Variants in SLC44A1 observed in about 807,000 individuals in gnomAD.
The protein encoded by SLC44A1 is choline transporter-like protein 1.
A neutral mutation model predicts 79.3 loss-of-function variants in SLC44A1; 26 were observed. The observed-to-expected ratio is 0.33, with a 90% CI of 0.24 to 0.46. The LOEUF is 0.46. SLC44A1 is among the 20% of genes least tolerant of loss of function. The pLI is 1.00. For missense variants in SLC44A1, 688 were observed against 798.1 expected (o/e 0.86, Z 1.66); for synonymous variants, 263 against 286.2 (o/e 0.92, Z 0.82).
chr9:105,315,534 G>T (rs1831299771), intron 3 of SLC44A1, among the ~76,000 whole-genome samples: 1 of 152,078 alleles, frequency 6.6e-6, no homozygotes, highest in Non-Finnish European at 1.5e-5. Flanking sequence ...ATTAACTTAT[G>T]CAGAGGATTA....
At chr9:105,285,873 A>T (rs183298495) in intron 1 of SLC44A1, among the ~76,000 whole-genome samples, 1 of 152,248 alleles carries the variant, frequency 6.6e-6, no homozygotes, top group Non-Finnish European at 1.5e-5. Flanking sequence ...AGGGGATATG[A>T]TGGCTTAGCT....
chr9:105,250,040 A>G (rs987241083), intron 1 of SLC44A1, among the ~76,000 whole-genome samples: 3 of 150,302 alleles, frequency 2.0e-5, no homozygotes, highest in Non-Finnish European at 4.4e-5. Context: ...CTATTTTTTT[A>G]ATGTTTTAAA....
At chr9:105,351,575 A>G (rs1213367670) in intron 5 of SLC44A1, among the ~76,000 whole-genome samples, 126 of 128,632 alleles carry the variant, frequency 9.8e-4, no homozygotes, top group Middle Eastern at 7.8e-3. Context: ...AGAGAAAGAG[A>G]GAAAGAGAGA....
At chr9:105,296,903 G>C (rs1830738154) in intron 1 of SLC44A1, among the ~76,000 whole-genome samples, 1 of 152,108 alleles carries the variant, frequency 6.6e-6, no homozygotes, top group Admixed American at 6.6e-5. Context: ...GAGTTGGAAG[G>C]AACCTAAGAG....
chr9:105,279,104 G>A (rs1446048542), intron 1 of SLC44A1, among the ~76,000 whole-genome samples: 1 of 150,248 alleles, frequency 6.7e-6, no homozygotes, highest in Non-Finnish European at 1.5e-5. Flanking sequence ...GGATTTTTCA[G>A]TTTAAAATAG....
chr9:105,401,833 C>T (rs1828962138), downstream of SLC44A1, among the ~76,000 whole-genome samples: 1 of 152,172 alleles, frequency 6.6e-6, no homozygotes, highest in Admixed American at 6.5e-5. Flanking sequence ...TCTGGGAGCT[C>T]AGTTCTAAAT....
At chr9:105,283,121 C>T (rs1830397385) in intron 1 of SLC44A1, among the ~76,000 whole-genome samples, 1 of 152,168 alleles carries the variant, frequency 6.6e-6, no homozygotes, top group Admixed American at 6.5e-5. Context: ...TTAAACTCAG[C>T]ACTCTCATGC....
chr9:105,376,350 CT>C (rs11309651), intron 13 of SLC44A1, among the ~76,000 whole-genome samples: 94 of 118,042 alleles, frequency 8.0e-4, no homozygotes, highest in Middle Eastern at 4.9e-3. Context: ...CACACACACA[CT>C]ACACACACAC....
At chr9:105,375,156 T>C (rs1283366986) in intron 13 of SLC44A1, among the ~76,000 whole-genome samples, 2 of 152,134 alleles carry the variant, frequency 1.3e-5, no homozygotes, top group Non-Finnish European at 2.9e-5. Flanking sequence ...ATTCTCCCGC[T>C]TCAGCCTCCC....
At chr9:105,299,382 G>A in intron 2 of SLC44A1, 73 bp downstream of exon 2, 1 of 988,438 alleles carries the variant, frequency 1.0e-6, no homozygotes, top group Non-Finnish European at 1.5e-6. Context: ...GTTTTAATGA[G>A]GGCAGTTGTG....
chr9:105,435,065 T>G (rs1775178071), intron 15 of SLC44A1, among the ~76,000 whole-genome samples: 1 of 152,048 alleles, frequency 6.6e-6, no homozygotes, highest in South Asian at 2.1e-4. Flanking sequence ...GAGGATCCAT[T>G]GAGCCTGGGA....
rs775098823 is a variant in SLC44A1, at chr9:105,335,683, G to A, written c.390G>A (p.Lys130=). 3.7e-6 allele frequency: 6 copies of A among 1,613,230 alleles called. No individual in the cohort carries two copies. The East Asian group carries it at 1.3e-4, about 36-fold the overall frequency. Residue 130 remains lysine (K), a synonymous_variant, in exon 4 of 16, where the codon AAG becomes AAA. Transcript: ENST00000374720. ...QELKTLSDVQ[K]FAEINGSALC... Reference sequence around the variant, plus strand: ...TGAAAACTCTGAGTGATGTTCAGAAGTTTGCAGAGATAAATGGTGAGACAT... The same window carrying A: ...TGAAAACTCTGAGTGATGTTCAGAAATTTGCAGAGATAAATGGTGAGACAT...
intron 9 of SLC44A1, 48 bp downstream of exon 9, chr9:105,363,055 C>A: frequency 7.2e-7 from 1 of 1,395,776 alleles, no homozygotes; most frequent in South Asian, 1.3e-5. Context: ...GATTTGCATT[C>A]CAGTATTTTA....
intron 4 of SLC44A1, among the ~76,000 whole-genome samples, chr9:105,338,109 A>G (rs1478137319): frequency 6.6e-6 from 1 of 152,262 alleles, no homozygotes; most frequent in Non-Finnish European, 1.5e-5. Context: ...AAATGACAGC[A>G]TCCAGAAGCA....
At chr9:105,367,811 G>A (rs1827985528) in intron 12 of SLC44A1, among the ~76,000 whole-genome samples, 1 of 152,044 alleles carries the variant, frequency 6.6e-6, no homozygotes, top group Admixed American at 6.5e-5. Flanking sequence ...GTTAGAAGCT[G>A]AGGTCATACC....
intron 1 of SLC44A1, among the ~76,000 whole-genome samples, chr9:105,292,417 T>C (rs1198799334): frequency 6.6e-6 from 1 of 152,230 alleles, no homozygotes; most frequent in Non-Finnish European, 1.5e-5. Flanking sequence ...ACAAAATCTT[T>C]AGTGTGTAAA....
chr9:105,335,667 T>C lies in SLC44A1; in HGVS notation c.374T>C (p.Leu125Pro). 1 of 1,613,658 alleles carries C rather than the reference T, an allele frequency of 6.2e-7. No individual in the cohort carries two copies. Among genetic ancestry groups the C allele is most frequent in the Non-Finnish European group, 8.5e-7 (1 of 1,179,700 alleles). Residue 125 changes from leucine to proline, a missense_variant, in exon 4 of 16, where the codon CTG becomes CCG. Coordinates refer to ENST00000374720, the MANE Select transcript of SLC44A1 (RefSeq NM_080546.5). ...TGTCCAAGGCAAGAACTGAAAACTCTGAGTGATGTTCAGAAGTTTGCAGAG... is the reference window on the plus strand; with the variant it reads ...TGTCCAAGGCAAGAACTGAAAACTCCGAGTGATGTTCAGAAGTTTGCAGAG... ...AACPRQELKT[L>P]SDVQKFAEIN...
At chr9:105,316,058 T>G (rs1181074564) in intron 3 of SLC44A1, among the ~76,000 whole-genome samples, 1 of 152,256 alleles carries the variant, frequency 6.6e-6, no homozygotes, top group South Asian at 2.1e-4. Flanking sequence ...ATTCATTCAT[T>G]TGTGAACTCT....
chr9:105,395,153 G>A lies in SLC44A1; in HGVS notation c.*6097G>A. The A allele has an allele frequency of 3.0e-6, 3 of 985,454 alleles. No homozygotes were observed. Among genetic ancestry groups the A allele is most frequent in the African/African-American group, 1.7e-5 (1 of 57,364 alleles). 61.0% of individuals were successfully genotyped at this position (985,454 alleles called of 1,614,324 possible). A position where few individuals can be genotyped will look rare whatever the true frequency, so the allele number is the denominator to read the frequency against. ...AGTGGAAATATAACTGGCTGGTGAA[G>A]AAAGGAGAAAAGTCAGCCCCCTACC... On this transcript the variant is annotated 3_prime_UTR_variant, in exon 16 of 16. Transcript: ENST00000374720.
Sources: gnomAD v4.1 joint callset for allele counts (sites outside exome capture counted in the v4.1 genomes callset) on GRCh38, gnomAD v4.1.1 for gene constraint, MANE v1.5 for transcripts, NCBI Gene and HGNC (gene_info 2026-07-23, HGNC 2026-07-21) for gene names.